FHOD3: variants seen among roughly 807,000 people sequenced by gnomAD.
The protein encoded by FHOD3 is FH1/FH2 domain-containing protein 3.
A neutral mutation model predicts 173.0 loss-of-function variants in FHOD3; 90 were observed. That is an observed-to-expected ratio of 0.52 (90% CI 0.44 to 0.62). FHOD3 has a LOEUF of 0.62. Ranked by LOEUF, FHOD3 falls within the 20% of genes least tolerant of loss-of-function variation. The pLI is 0.00. For synonymous variants in FHOD3, 828 were observed against 823.0 expected (o/e 1.01, Z -0.10); for missense variants, 1,945 against 2,034.7 (o/e 0.96, Z 0.85).
intron 3 of FHOD3, among the ~76,000 whole-genome samples, chr18:36,443,701 C>T (rs1250159623): frequency 1.3e-5 from 2 of 152,134 alleles, no homozygotes; most frequent in African/African-American, 2.4e-5. Flanking sequence ...TGGTTTTATA[C>T]CTCCTGAGAT....
At chr18:36,298,725 G>A (rs1170913707) in intron 1 of FHOD3, among the ~76,000 whole-genome samples, 2 of 152,072 alleles carry the variant, frequency 1.3e-5, no homozygotes, top group African/African-American at 4.8e-5. Flanking sequence ...GTGTCCCCTG[G>A]GAAGAATGGC....
intron 28 of FHOD3, among the ~76,000 whole-genome samples, chr18:36,775,964 G>A (rs1267926063): frequency 2.6e-5 from 4 of 152,204 alleles, no homozygotes; most frequent in Non-Finnish European, 4.4e-5. Context: ...AGGCTGGAGA[G>A]CAGCTTTGAT....
At chr18:36,564,747 C>T (rs548921883) in intron 5 of FHOD3, among the ~76,000 whole-genome samples, 7 of 152,092 alleles carry the variant, frequency 4.6e-5, no homozygotes, top group African/African-American at 1.2e-4. Flanking sequence ...GCCCTCCCTC[C>T]TTTGAGAGTT....
At position 36,663,941 on chromosome 18, in the gene FHOD3, C is replaced by T. The variant is rs535496912; in HGVS notation, c.1835+5753C>T. 1.8e-3 allele frequency among the ~76,000 whole-genome samples: 275 copies of T among 152,236 alleles called. 1 individual carries two copies. The highest frequency in any genetic ancestry group is 3.4e-3 in the Non-Finnish European group (228 of 68,006). On this transcript the variant is annotated intron_variant, in intron 14 of 28. Transcript: ENST00000590592. ...TGCTTTGGCTTTTATCATTTCCTTC[C>T]CTGACCTCACTAGTCATCTACATGT...
intron 21 of FHOD3, among the ~76,000 whole-genome samples, chr18:36,742,336 G>A (rs1288159747): frequency 6.6e-6 from 1 of 152,160 alleles, no homozygotes; most frequent in Non-Finnish European, 1.5e-5. Flanking sequence ...GCAGTTCAGG[G>A]ACATCGAGCG....
rs1026896245 is a variant in FHOD3 at position 36,340,697 on chromosome 18, C to T, written c.166-14842C>T. On this transcript the variant is annotated intron_variant, in intron 1 of 28. Coordinates refer to ENST00000590592, the MANE Select transcript of FHOD3 (RefSeq NM_001281740.3). The stretch of plus-strand genomic sequence containing the variant: ...TGTCACCCAGGCTGGAGTGCAGTGT[C>T]ACGATCTCGGCTCACTGCAAGCTCC... 3.3e-5 allele frequency among the ~76,000 whole-genome samples: 5 copies of T among 150,760 alleles called. No homozygotes were observed. The South Asian group carries it at 6.3e-4, about 19-fold the overall frequency.
At chr18:36,587,162 A>G (rs542786168) in intron 6 of FHOD3, among the ~76,000 whole-genome samples, 24 of 152,266 alleles carry the variant, frequency 1.6e-4, no homozygotes, top group African/African-American at 4.1e-4. Context: ...GGTGGGGGGA[A>G]CTTCTCAAAG....
intron 4 of FHOD3, 33 bp from the exon 5 acceptor site, chr18:36,512,405 T>A (rs763887972): frequency 3.4e-6 from 5 of 1,486,346 alleles, no homozygotes; most frequent in Non-Finnish European, 4.7e-6. Context: ...ACAGGGACAG[T>A]ATTTGAAGTA....
At position 36,612,266 on chromosome 18, in the gene FHOD3, A is replaced by C. The variant is rs180685573; in HGVS notation, c.957+171A>C. ...ACTGAATCAGAAACTCTGAGGGCCC[A>C]GCAGACCATGTTATGACAAGCCTTC... is the stretch of plus-strand genomic sequence containing the variant. On this transcript the variant is annotated intron_variant, in intron 9 of 28. Coordinates refer to ENST00000590592, the MANE Select transcript of FHOD3 (RefSeq NM_001281740.3). Among the ~76,000 whole-genome samples the C allele has an allele frequency of 2.6e-5, 4 of 152,362 alleles. No individual in the cohort carries two copies. The East Asian group carries it at 7.7e-4, about 29-fold the overall frequency.
At chr18:36,555,246 G>A (rs948322250) in intron 5 of FHOD3, among the ~76,000 whole-genome samples, 15 of 151,790 alleles carry the variant, frequency 9.9e-5, no homozygotes, top group South Asian at 6.2e-4. Context: ...CATTTTATTC[G>A]TTTCACAATC....
rs34019893 is a variant in FHOD3, at chr18:36,618,311, G to GT, written c.957+6238dup. Among the ~76,000 whole-genome samples the GT allele has an allele frequency of 5.2e-3, 367 of 70,794 alleles. 9 individuals are homozygous for GT. Among genetic ancestry groups the GT allele is most frequent in the Middle Eastern group, 0.045 (2 of 44 alleles). 46.4% of individuals were successfully genotyped at this position (70,794 alleles called of 152,430 possible). A position where few individuals can be genotyped will look rare whatever the true frequency, so the allele number is the denominator to read the frequency against. ...CATTTGGTAATGATGTTTTTTGGTGGTTTTTTTTTTTTTTTTTTTTTTGAG... is the reference window on the plus strand; with the variant it reads ...CATTTGGTAATGATGTTTTTTGGTGGTTTTTTTTTTTTTTTTTTTTTTTGAG... On this transcript the variant is annotated intron_variant, in intron 9 of 28. Coordinates refer to ENST00000590592, the MANE Select transcript of FHOD3 (RefSeq NM_001281740.3).
In FHOD3 at chr18:36,297,755, C is replaced by G; in HGVS notation, c.-81C>G. ...AGCCAGCGAGCTGCGGCTGCGGCCT[C>G]CCCTGCGCGCAGCTACCCGGGCGTC... On this transcript the variant is annotated 5_prime_UTR_variant, in exon 1 of 29. Transcript: ENST00000590592. 1 of 1,244,830 alleles carries G rather than the reference C, an allele frequency of 8.0e-7. No individual in the cohort carries two copies. The highest frequency in any genetic ancestry group is 1.0e-6 in the Non-Finnish European group (1 of 953,740). The allele number at this position is 1,244,830 out of a possible 1,614,324, so 77.1% of individuals were successfully genotyped here.
chr18:36,581,588 T>C (rs761207258), intron 6 of FHOD3, among the ~76,000 whole-genome samples: 8 of 152,214 alleles, frequency 5.3e-5, no homozygotes, highest in African/African-American at 1.9e-4. Context: ...CCAGACTTCC[T>C]TTCTACTTGT....
intron 3 of FHOD3, among the ~76,000 whole-genome samples, chr18:36,437,665 C>CTTTTTTTTTTTTTTTT (rs1555704498): frequency 1.4e-5 from 1 of 69,464 alleles, no homozygotes; most frequent in African/African-American, 4.5e-5. Context: ...TTCTTTCTTT[C>CTTTTTTTTTTTTTTTT]TTTTTTTTTT....
intron 3 of FHOD3, among the ~76,000 whole-genome samples, chr18:36,415,180 T>C (rs1051758804): frequency 6.6e-6 from 1 of 152,198 alleles, no homozygotes; most frequent in Non-Finnish European, 1.5e-5. Context: ...AAGACCCTGA[T>C]GACTAGGGCC....
chr18:36,743,237 A>G (rs1229186420), intron 22 of FHOD3, among the ~76,000 whole-genome samples: 4 of 139,152 alleles, frequency 2.9e-5, no homozygotes, highest in Non-Finnish European at 4.6e-5. Flanking sequence ...TGAACCCGGG[A>G]AGCAGAGGTT....
Position 36,779,744 on chromosome 18 carries a change from A to C in FHOD3, c.*214A>C. On this transcript the variant is annotated 3_prime_UTR_variant, in exon 29 of 29. Transcript: ENST00000590592. ...CTGCACATACCTTCTCCATCGTGTC[A>C]GCTGTGTTTCTCTTGATTCCGTGAC... 1 of 558,868 alleles carries C rather than the reference A, an allele frequency of 1.8e-6. No individual in the cohort carries two copies. Among genetic ancestry groups the C allele is most frequent in the Admixed American group, 3.2e-5 (1 of 31,710 alleles). 34.6% of individuals were successfully genotyped at this position (558,868 alleles called of 1,614,324 possible).
Position 36,681,537 on chromosome 18 carries a change from A to G in FHOD3, c.1937A>G (p.Gln646Arg). Reference protein sequence around the residue: ...RRRQEREERLQRIEREERNKF... With the variant: ...RRRQEREERLRRIEREERNKF... ...CGGCAGGAGAGAGAAGAAAGGTTGC[A>G]GAGAATAGAGCGGGAAGAAAGAAAC... is the stretch of plus-strand genomic sequence containing the variant. The change falls in exon 15 of 29, where the codon CAG (glutamine) becomes CGG (arginine). Residue 646 changes from glutamine (Q) to arginine (R), a missense_variant. Coordinates refer to ENST00000590592, the MANE Select transcript of FHOD3 (RefSeq NM_001281740.3). 6.2e-7 allele frequency: 1 copy of G among 1,613,990 alleles called. No homozygotes were observed. Among genetic ancestry groups the G allele is most frequent in the Non-Finnish European group, 8.5e-7 (1 of 1,179,896 alleles).
intron 14 of FHOD3, among the ~76,000 whole-genome samples, chr18:36,665,543 T>C (rs1359243513): frequency 6.6e-6 from 1 of 150,552 alleles, no homozygotes; most frequent in East Asian, 2.0e-4. Context: ...GAGTCACTAA[T>C]GTAAGGCAAA....
Sources: allele counts gnomAD v4.1 joint callset (sites outside exome capture counted in the v4.1 genomes callset), GRCh38; gene constraint gnomAD v4.1.1; transcripts MANE v1.5; gene names NCBI Gene and HGNC (gene_info 2026-07-23, HGNC 2026-07-21).